AGTPBP1: variants seen among roughly 807,000 people sequenced by gnomAD.
AGTPBP1 encodes the protein cytosolic carboxypeptidase 1.
Under a neutral mutation model 143.9 loss-of-function variants are expected in AGTPBP1, and 70 were observed. The ratio of observed to expected loss-of-function variants is 0.49; its 90% confidence interval spans 0.40 to 0.59. The LOEUF (loss-of-function observed/expected upper bound fraction) is 0.59, where lower values mean the gene tolerates loss of function less well. Ranked by LOEUF, AGTPBP1 falls within the 20% of genes least tolerant of loss-of-function variation. The probability of loss-of-function intolerance (pLI) is 0.00; values close to 1 mark genes in which losing one functional copy is unlikely to be tolerated. For synonymous variants in AGTPBP1, 463 were observed against 500.2 expected (o/e 0.93, Z 0.99); for missense variants, 1,229 against 1,464.5 (o/e 0.84, Z 2.62).
At chr9:85,573,309 T>TTGGCC (rs921034739) in intron 25 of AGTPBP1, among the ~76,000 whole-genome samples, 13 of 152,216 alleles carry the variant, frequency 8.5e-5, no homozygotes, top group Admixed American at 7.9e-4. Context: ...TTTCGCTGTG[T>TTGGCC]TGGCCGGGCT....
chr9:85,700,400 A>C (rs1471888433), intron 2 of AGTPBP1, among the ~76,000 whole-genome samples: 1 of 152,134 alleles, frequency 6.6e-6, no homozygotes, highest in Non-Finnish European at 1.5e-5. Flanking sequence ...GAGATGTGGC[A>C]AATGGTGCAC....
intron 25 of AGTPBP1, among the ~76,000 whole-genome samples, chr9:85,571,316 C>A (rs182179827): frequency 8.6e-4 from 131 of 152,166 alleles, no homozygotes; most frequent in Non-Finnish European, 1.5e-3. Context: ...CAGTGATAGC[C>A]TGGGAAATCC....
At chr9:85,594,034 T>C (rs1829136897) in intron 18 of AGTPBP1, among the ~76,000 whole-genome samples, 1 of 152,198 alleles carries the variant, frequency 6.6e-6, no homozygotes, top group African/African-American at 2.4e-5. Flanking sequence ...CTTGAATAGA[T>C]ACCCAATGAC....
chr9:85,783,970 C>T, the AGTPBP1 span, among the ~76,000 whole-genome samples: 1 of 152,192 alleles, frequency 6.6e-6, no homozygotes, highest in Non-Finnish European at 1.5e-5. Context: ...CTTATATTTT[C>T]TTTGAATATT....
At chr9:85,551,068 G>A (rs867338801) in intron 25 of AGTPBP1, among the ~76,000 whole-genome samples, 62 of 149,552 alleles carry the variant, frequency 4.1e-4, no homozygotes, top group African/African-American at 1.5e-3. Context: ...TCCCCCTCTC[G>A]CCATGTGACA....
intron 17 of AGTPBP1, among the ~76,000 whole-genome samples, chr9:85,599,018 G>A (rs1371769090): frequency 5.3e-5 from 8 of 152,044 alleles, no homozygotes; most frequent in African/African-American, 7.3e-5. Flanking sequence ...CACCGTACCC[G>A]GCCGACTGAC....
intron 17 of AGTPBP1, among the ~76,000 whole-genome samples, chr9:85,601,658 T>C (rs1169510735): frequency 6.6e-6 from 1 of 152,100 alleles, no homozygotes; most frequent in African/African-American, 2.4e-5. Flanking sequence ...TGCCTGCTGC[T>C]CAGGAGCCAA....
At chr9:85,600,728 G>C (rs1252493496) in intron 17 of AGTPBP1, among the ~76,000 whole-genome samples, 1 of 152,144 alleles carries the variant, frequency 6.6e-6, no homozygotes, top group Non-Finnish European at 1.5e-5. Flanking sequence ...TTGCTCCAGA[G>C]AGTGAACTCA....
chr9:85,617,075 T>A (rs893660411), intron 17 of AGTPBP1, among the ~76,000 whole-genome samples: 5 of 152,126 alleles, frequency 3.3e-5, no homozygotes, highest in Non-Finnish European at 7.4e-5. Context: ...CTTTTTTTCA[T>A]ACATGTGAAG....
intron 25 of AGTPBP1, among the ~76,000 whole-genome samples, chr9:85,562,877 AGGAGGCGGGCCTTTG>A (rs1424636932): frequency 1.3e-5 from 2 of 152,186 alleles, no homozygotes; most frequent in African/African-American, 4.8e-5. Context: ...TGATGGTATT[AGGAGGCGGGCCTTTG>A]GGAGGTGATC....
chr9:85,606,915 TA>T (rs1178730174), intron 17 of AGTPBP1, among the ~76,000 whole-genome samples: 1 of 151,712 alleles, frequency 6.6e-6, no homozygotes, highest in Non-Finnish European at 1.5e-5. Flanking sequence ...GTGGGAGGGA[TA>T]AGGGGGGTGA....
intron 17 of AGTPBP1, among the ~76,000 whole-genome samples, chr9:85,600,488 C>G (rs1341971922): frequency 6.6e-6 from 1 of 152,110 alleles, no homozygotes; most frequent in Non-Finnish European, 1.5e-5. Context: ...AACACTGAAA[C>G]TCAACAGAGA....
chr9:85,802,713 C>T, the AGTPBP1 span, among the ~76,000 whole-genome samples: 3 of 152,168 alleles, frequency 2.0e-5, no homozygotes, highest in African/African-American at 2.4e-5. Context: ...AATTGGGTGT[C>T]CAGGTCAGTG....
intron 25 of AGTPBP1, among the ~76,000 whole-genome samples, chr9:85,561,988 C>T (rs901776002): frequency 6.6e-6 from 1 of 151,922 alleles, no homozygotes; most frequent in Non-Finnish European, 1.5e-5. Flanking sequence ...CCTGCCACCA[C>T]GCCCAGCTAA....
chr9:85,650,288 C>A (rs984077447), intron 11 of AGTPBP1, among the ~76,000 whole-genome samples: 1 of 152,020 alleles, frequency 6.6e-6, no homozygotes, highest in Non-Finnish European at 1.5e-5. Flanking sequence ...TGTGCAGGTT[C>A]GTTAATACAC....
rs180979660 is a variant in AGTPBP1, at chr9:85,734,796, G to A, written c.-34+6979C>T. Among the ~76,000 whole-genome samples the A allele has an allele frequency of 3.1e-3, 467 of 152,278 alleles. 3 individuals are homozygous for A. The highest frequency in any genetic ancestry group is 0.011 in the African/African-American group (448 of 41,560). ...ACTGAAAGCAAGGTCTTCCATGGGAGGCCGAGGCAAGTGGATCATGAAGTC... is the reference window on the plus strand; with the variant it reads ...ACTGAAAGCAAGGTCTTCCATGGGAAGCCGAGGCAAGTGGATCATGAAGTC... On this transcript the variant is annotated intron_variant, in intron 1 of 25. Transcript: ENST00000357081.
intron 23 of AGTPBP1, 66 bp from the exon 24 acceptor site, chr9:85,579,162 T>C: frequency 6.8e-7 from 1 of 1,474,310 alleles, no homozygotes; most frequent in South Asian, 1.3e-5. Context: ...TTTTTAATTT[T>C]AAAAAGTTTT....
intron 25 of AGTPBP1, among the ~76,000 whole-genome samples, chr9:85,550,412 T>C (rs1405106642): frequency 6.6e-6 from 1 of 152,184 alleles, no homozygotes; most frequent in African/African-American, 2.4e-5. Flanking sequence ...GATACCCTTC[T>C]ATTCTAGTTT....
intron 17 of AGTPBP1, among the ~76,000 whole-genome samples, chr9:85,608,133 G>A (rs73475787): frequency 0.019 from 2,851 of 152,142 alleles, 92 homozygotes; most frequent in African/African-American, 0.065. Context: ...ATAGTAAAAT[G>A]AGCAAAGATA....
Sources: allele counts gnomAD v4.1 joint callset (sites outside exome capture counted in the v4.1 genomes callset), GRCh38; gene constraint gnomAD v4.1.1; transcripts MANE v1.5; gene names NCBI Gene and HGNC (gene_info 2026-07-23, HGNC 2026-07-21).